Variants in LIX1 observed in about 807,000 individuals in gnomAD.
LIX1 encodes the protein limb and CNS expressed 1, also known as protein limb expression 1 homolog.
In LIX1, 24 loss-of-function variants were observed where a neutral mutation model predicts 33.4. That is an observed-to-expected ratio of 0.72 (90% CI 0.52 to 1.01). The LOEUF is 1.01. Ranked by LOEUF, LIX1 falls within the 50% of genes least tolerant of loss-of-function variation. LIX1 has a pLI of 0.00. For synonymous variants in LIX1, 124 were observed against 124.0 expected (o/e 1.00, Z 0.00); for missense variants, 311 against 339.2 (o/e 0.92, Z 0.65).
intron 1 of LIX1, among the ~76,000 whole-genome samples, chr5:97,137,760 G>T (rs1748202694): frequency 1.3e-5 from 2 of 152,198 alleles, no homozygotes; most frequent in Non-Finnish European, 2.9e-5. Context: ...TTCAGGGGTG[G>T]TGGAATGCAA....
chr5:97,125,121 C>T (rs189445647), intron 1 of LIX1, among the ~76,000 whole-genome samples: 3 of 152,152 alleles, frequency 2.0e-5, no homozygotes, highest in Non-Finnish European at 4.4e-5. Flanking sequence ...CTTTCATGCT[C>T]CTTCCACCCC....
chr5:97,111,889 G>C (rs1169101736), intron 2 of LIX1, among the ~76,000 whole-genome samples: 1 of 152,146 alleles, frequency 6.6e-6, no homozygotes, highest in African/African-American at 2.4e-5. Context: ...AAGGACTACA[G>C]AGACCTAACC....
chr5:97,113,178 A>G (rs1237234587), intron 2 of LIX1, among the ~76,000 whole-genome samples: 3 of 152,194 alleles, frequency 2.0e-5, no homozygotes, highest in Admixed American at 2.0e-4. Flanking sequence ...GCCAGCAGCC[A>G]TCTGAGTGAG....
At chr5:97,118,859 G>C (rs1479927885) in intron 2 of LIX1, among the ~76,000 whole-genome samples, 11 of 151,802 alleles carry the variant, frequency 7.2e-5, no homozygotes. Flanking sequence ...TTCTCTCTCT[G>C]TTTCTGTTTT....
In LIX1 at chr5:97,092,474, G is replaced by A. The variant is rs534077953; in HGVS notation, c.*2274C>T. 6.6e-6 allele frequency: 1 copy of A among 152,286 alleles called. No individual in the cohort carries two copies. The highest frequency in any genetic ancestry group is 1.5e-5 in the Non-Finnish European group (1 of 68,032). 9.4% of individuals were successfully genotyped at this position (152,286 alleles called of 1,614,324 possible). On this transcript the variant is annotated 3_prime_UTR_variant, in exon 6 of 6. Coordinates refer to ENST00000274382, the MANE Select transcript of LIX1 (RefSeq NM_153234.5). ...AAGATGTTTATATGATAGACTGACA[G>A]CCCTTATGTCTCAGCTGAAATTGAT...
intron 1 of LIX1, among the ~76,000 whole-genome samples, chr5:97,128,672 A>C (rs1360176610): frequency 1.3e-5 from 2 of 152,214 alleles, no homozygotes; most frequent in Non-Finnish European, 1.5e-5. Flanking sequence ...TTACAAAAAA[A>C]AAGTGATGTT....
At chr5:97,124,781 T>C (rs897860095) in intron 1 of LIX1, 152 bp from the exon 2 acceptor site, 1 of 461,578 alleles carries the variant, frequency 2.2e-6, no homozygotes, top group Non-Finnish European at 3.8e-6. Flanking sequence ...GGCTTTTAGC[T>C]GTGAAAGAAT....
At chr5:97,108,660 T>C (rs1445384306) in intron 2 of LIX1, among the ~76,000 whole-genome samples, 1 of 152,026 alleles carries the variant, frequency 6.6e-6, no homozygotes, top group Non-Finnish European at 1.5e-5. Context: ...CTTGGACTCC[T>C]AGGGGGAAAC....
intron 5 of LIX1, 112 bp downstream of exon 5, chr5:97,096,698 G>T: frequency 1.3e-6 from 1 of 748,262 alleles, no homozygotes. Context: ...TAATAAATAA[G>T]GTACCAAATT....
chr5:97,094,132 A>T lies in LIX1; in HGVS notation c.*616T>A, dbSNP rs559320441. 4.6e-5 allele frequency: 7 copies of T among 152,344 alleles called. No homozygotes were observed. The South Asian group carries it at 1.5e-3, about 32-fold the overall frequency. 9.4% of individuals were successfully genotyped at this position (152,344 alleles called of 1,614,324 possible). A position where few individuals can be genotyped will look rare whatever the true frequency, so the allele number is the denominator to read the frequency against. On this transcript the variant is annotated 3_prime_UTR_variant, in exon 6 of 6. Coordinates refer to ENST00000274382, the MANE Select transcript of LIX1 (RefSeq NM_153234.5). ...TTTTAAAAATTATTGTTACAAAAAC[A>T]TTTTAAACATTAATTTTATCTAGTA...
At chr5:97,104,667 C>G (rs941557300) in intron 4 of LIX1, among the ~76,000 whole-genome samples, 9 of 152,188 alleles carry the variant, frequency 5.9e-5, no homozygotes, top group Non-Finnish European at 1.0e-4. Context: ...AGTTCCTCAA[C>G]TCTTGTTATC....
At chr5:97,103,714 C>G (rs865815884) in intron 4 of LIX1, among the ~76,000 whole-genome samples, 40 of 152,298 alleles carry the variant, frequency 2.6e-4, no homozygotes, top group Non-Finnish European at 1.3e-4. Context: ...ACCTGTAATC[C>G]TAGCACTTTG....
intron 1 of LIX1, among the ~76,000 whole-genome samples, chr5:97,134,254 G>C (rs1217138364): frequency 1.3e-5 from 2 of 152,298 alleles, no homozygotes; most frequent in African/African-American, 4.8e-5. Flanking sequence ...TGAGTAGCTG[G>C]AAGTACAGGC....
intron 1 of LIX1, among the ~76,000 whole-genome samples, chr5:97,140,744 G>A (rs1748270215): frequency 6.6e-6 from 1 of 152,148 alleles, no homozygotes; most frequent in Non-Finnish European, 1.5e-5. Flanking sequence ...TTGGCTTACT[G>A]TCATTTAGTC....
At chr5:97,111,831 C>T (rs1747411172) in intron 2 of LIX1, among the ~76,000 whole-genome samples, 1 of 152,164 alleles carries the variant, frequency 6.6e-6, no homozygotes, top group Admixed American at 6.5e-5. Flanking sequence ...GATCAAAGTG[C>T]AGCCCGGCTG....
intron 3 of LIX1, 95 bp downstream of exon 3, chr5:97,107,265 A>T: frequency 7.9e-7 from 1 of 1,266,958 alleles, no homozygotes; most frequent in Non-Finnish European, 1.1e-6. Context: ...CAGAATTCTT[A>T]AAATAAGAAT....
At position 97,142,586 on chromosome 5, in the gene LIX1, G is replaced by A. The variant is rs1161158054; in HGVS notation, c.-10C>T. 7.5e-6 allele frequency: 12 copies of A among 1,607,560 alleles called. No homozygotes were observed. The highest frequency in any genetic ancestry group is 1.0e-5 in the Non-Finnish European group (12 of 1,174,200). On this transcript the variant is annotated 5_prime_UTR_variant, in exon 1 of 6. Coordinates refer to ENST00000274382, the MANE Select transcript of LIX1 (RefSeq NM_153234.5). Reference sequence around the variant, plus strand: ...CCAAGGTTCTGTCCATCTTGGGTCTGCCTGTGTGAGCCTCCTGTACAGAGT... The same window carrying A: ...CCAAGGTTCTGTCCATCTTGGGTCTACCTGTGTGAGCCTCCTGTACAGAGT...
Position 97,092,305 on chromosome 5 carries a change from T to C in LIX1, c.*2443A>G, listed in dbSNP as rs1746113266. 6.6e-6 allele frequency: 1 copy of C among 152,310 alleles called. No homozygotes were observed. Among genetic ancestry groups the C allele is most frequent in the Admixed American group, 6.5e-5 (1 of 15,268 alleles). The allele number at this position is 152,310 out of a possible 1,614,324, so 9.4% of individuals were successfully genotyped here. ...CAAAGGGCTTATAACCAAAAAAGGC[T>C]AGGACCCAGAGCTTCATGTGTTTAA... is the stretch of plus-strand genomic sequence containing the variant. On this transcript the variant is annotated 3_prime_UTR_variant, in exon 6 of 6. Transcript: ENST00000274382.
In LIX1 at chr5:97,093,292, T is replaced by C. The variant is rs1236729660; in HGVS notation, c.*1456A>G. ...TAATGTAATTATAATGGTTTTGCTT[T>C]CAGTGAAGCATGTATGCACTTGCAT... On this transcript the variant is annotated 3_prime_UTR_variant, in exon 6 of 6. Transcript: ENST00000274382. 6.6e-6 allele frequency: 1 copy of C among 152,308 alleles called. No homozygotes were observed. Among genetic ancestry groups the C allele is most frequent in the African/African-American group, 2.4e-5 (1 of 41,464 alleles). 9.4% of individuals were successfully genotyped at this position (152,308 alleles called of 1,614,324 possible). A position where few individuals can be genotyped will look rare whatever the true frequency, so the allele number is the denominator to read the frequency against.
Sources: allele counts gnomAD v4.1 joint callset (sites outside exome capture counted in the v4.1 genomes callset), GRCh38; gene constraint gnomAD v4.1.1; transcripts MANE v1.5; gene names NCBI Gene and HGNC (gene_info 2026-07-23, HGNC 2026-07-21).